The following PPARGC1B variants were observed in gnomAD, a reference collection of about 807,000 sequenced individuals.
PPARGC1B encodes PPARG coactivator 1 beta.
In PPARGC1B, 34 loss-of-function variants were observed where a neutral mutation model predicts 101.6. The ratio of observed to expected loss-of-function variants is 0.33; its 90% confidence interval spans 0.25 to 0.45. The LOEUF is 0.45. Among genes scored for constraint, PPARGC1B ranks in the 20% least tolerant of loss-of-function variants. The pLI is 1.00. For synonymous variants in PPARGC1B, 548 were observed against 539.3 expected, an observed-to-expected ratio of 1.02 and a Z score of -0.22; for missense variants, 1,234 against 1,317.6, an observed-to-expected ratio of 0.94 and a Z score of 0.98.
chr5:149,809,501 G>GATAGATCCATCTCTACC (rs1377859843), intron 1 of PPARGC1B, among the ~76,000 whole-genome samples: 12 of 145,686 alleles, frequency 8.2e-5, no homozygotes, highest in African/African-American at 2.9e-4. Flanking sequence ...TAGATAGATA[G>GATAGATCCATCTCTACC]ATAGATAGAT....
chr5:149,804,205 G>A (rs1157655734), intron 1 of PPARGC1B, among the ~76,000 whole-genome samples: 1 of 152,222 alleles, frequency 6.6e-6, no homozygotes, highest in Non-Finnish European at 1.5e-5. Context: ...CTGGGAAATA[G>A]TGCCTCTGCG....
chr5:149,807,356 C>T (rs979155012), intron 1 of PPARGC1B, among the ~76,000 whole-genome samples: 1 of 151,944 alleles, frequency 6.6e-6, no homozygotes, highest in African/African-American at 2.4e-5. Flanking sequence ...GGAAATCCCA[C>T]ACAACATGGC....
At chr5:149,825,075 G>T (rs1758458103) in intron 2 of PPARGC1B, among the ~76,000 whole-genome samples, 1 of 151,938 alleles carries the variant, frequency 6.6e-6, no homozygotes, top group Non-Finnish European at 1.5e-5. Flanking sequence ...GACAGAATGT[G>T]CCTTCTGCCA....
Position 149,835,326 on chromosome 5 carries a change from T to C in PPARGC1B, c.1768T>C (p.Phe590Leu). 1 of 1,614,196 alleles carries C rather than the reference T, an allele frequency of 6.2e-7. No homozygotes were observed. Among genetic ancestry groups the C allele is most frequent in the Non-Finnish European group, 8.5e-7 (1 of 1,180,024 alleles). Residue 590 changes from phenylalanine to leucine, a missense_variant, in exon 7 of 12, where the codon TTT becomes CTT. Physicochemically the swap from Phe to Leu is conservative, Grantham distance 22. Around this residue, in one of 3 missense-constraint regions of PPARGC1B, gnomAD observed 734 missense variants for 768.4 expected, o/e 0.96. Coordinates refer to ENST00000309241, the MANE Select transcript of PPARGC1B (RefSeq NM_133263.4). ...QSDPTFGKKS[F>L]EQTLTVELCG... ...CGACCCAACTTTTGGCAAGAAGAGC[T>C]TTGAGCAGACCTTGACAGTGGAGCT...
chr5:149,857,828 T>C (rs1759996033), downstream of PPARGC1B: 1 of 152,224 alleles, frequency 6.6e-6, no homozygotes, highest in South Asian at 2.1e-4. Flanking sequence ...CTCATGTGTC[T>C]AAAAAGAGAG....
intron 1 of PPARGC1B, among the ~76,000 whole-genome samples, chr5:149,787,577 T>A (rs989340650): frequency 6.6e-6 from 1 of 152,200 alleles, no homozygotes; most frequent in African/African-American, 2.4e-5. Context: ...CTGATACAAT[T>A]TGGTAGTCAC....
chr5:149,735,866 C>T (rs902661616), intron 1 of PPARGC1B, among the ~76,000 whole-genome samples: 1 of 152,214 alleles, frequency 6.6e-6, no homozygotes, highest in Non-Finnish European at 1.5e-5. Context: ...CGGCTCACGC[C>T]TGTAATACCA....
intron 1 of PPARGC1B, among the ~76,000 whole-genome samples, chr5:149,788,169 C>T (rs1172115583): frequency 6.6e-6 from 1 of 152,236 alleles, no homozygotes; most frequent in East Asian, 1.9e-4. Flanking sequence ...TTTTTACAAT[C>T]TACCCATCTG....
intron 1 of PPARGC1B, among the ~76,000 whole-genome samples, chr5:149,750,578 G>T (rs1755261166): frequency 6.6e-6 from 1 of 151,390 alleles, no homozygotes; most frequent in Non-Finnish European, 1.5e-5. Flanking sequence ...GGTTCAGAAT[G>T]GCCATTCTTG....
At chr5:149,757,347 CA>C (rs1162045502) in intron 1 of PPARGC1B, among the ~76,000 whole-genome samples, 15 of 121,736 alleles carry the variant, frequency 1.2e-4, no homozygotes, top group African/African-American at 4.2e-4. Flanking sequence ...TGTGTTTGAG[CA>C]TTTTTTTTTT....
intron 6 of PPARGC1B, 135 bp from the exon 7 acceptor site, chr5:149,835,166 C>T: frequency 1.3e-6 from 1 of 787,100 alleles, no homozygotes; most frequent in Middle Eastern, 2.4e-4. Flanking sequence ...AGAGCGAATG[C>T]ATCTCAGGCT....
downstream of PPARGC1B, among the ~76,000 whole-genome samples, chr5:149,857,097 G>A (rs1056154652): frequency 6.6e-6 from 1 of 152,008 alleles, no homozygotes; most frequent in Non-Finnish European, 1.5e-5. Context: ...TTGAAACTTG[G>A]CTCTACCGCT....
At chr5:149,748,934 C>G (rs935554051) in intron 1 of PPARGC1B, among the ~76,000 whole-genome samples, 2 of 152,196 alleles carry the variant, frequency 1.3e-5, no homozygotes, top group African/African-American at 4.8e-5. Context: ...TTGAGGGTGA[C>G]TAGTTCTTCC....
chr5:149,829,805 G>C (rs775867118), intron 3 of PPARGC1B, among the ~76,000 whole-genome samples: 44 of 151,882 alleles, frequency 2.9e-4, no homozygotes, highest in Admixed American at 2.3e-3. Flanking sequence ...GGAGGCCGAG[G>C]CGGGCAGATC....
At chr5:149,824,676 A>C (rs1758433361) in intron 2 of PPARGC1B, among the ~76,000 whole-genome samples, 2 of 152,132 alleles carry the variant, frequency 1.3e-5, no homozygotes, top group African/African-American at 4.8e-5. Context: ...TCTGGGCTGG[A>C]CAGGGTTGGG....
chr5:149,774,678 T>A (rs1756287002), intron 1 of PPARGC1B, among the ~76,000 whole-genome samples: 1 of 151,858 alleles, frequency 6.6e-6, no homozygotes, highest in Non-Finnish European at 1.5e-5. Context: ...CTGTAATGAC[T>A]AGGTCCCTGC....
rs538803833 is a variant in PPARGC1B, at chr5:149,831,884, A to T, written c.583-772A>T. On this transcript the variant is annotated intron_variant, in intron 4 of 11. Transcript: ENST00000309241. ...TCCTGTGGGCACTAGGAGCTACTGA[A>T]TTTTTTGTTTTTTTAAACTTTATTG... is the stretch of plus-strand genomic sequence containing the variant. Among the ~76,000 whole-genome samples the T allele has an allele frequency of 3.2e-4, 49 of 152,310 alleles. No homozygotes were observed. The South Asian group carries it at 0.01, about 32-fold the overall frequency.
rs1388725005 is a variant in PPARGC1B, at chr5:149,778,447, G to T, written c.79-41986G>T. ...CTCCAAGCAGAAGCGGGGCTCTTGGGCTCCCTGGGTTGGGGACCTTCAGGA... is the reference window on the plus strand; with the variant it reads ...CTCCAAGCAGAAGCGGGGCTCTTGGTCTCCCTGGGTTGGGGACCTTCAGGA... On this transcript the variant is annotated intron_variant, in intron 1 of 11. Coordinates refer to ENST00000309241, the MANE Select transcript of PPARGC1B (RefSeq NM_133263.4). 2.0e-5 allele frequency among the ~76,000 whole-genome samples: 3 copies of T among 151,958 alleles called. No individual in the cohort carries two copies. The East Asian group carries it at 5.8e-4, about 29-fold the overall frequency.
intron 1 of PPARGC1B, among the ~76,000 whole-genome samples, chr5:149,803,640 C>G (rs1302580631): frequency 1.3e-5 from 2 of 152,162 alleles, no homozygotes; most frequent in Non-Finnish European, 2.9e-5. Context: ...TCCCCCTTTC[C>G]TAGTTCAGGT....
Sources: gnomAD v4.1 joint callset for allele counts (sites outside exome capture counted in the v4.1 genomes callset) on GRCh38, gnomAD v4.1.1 for gene constraint, gnomAD v4.1.1 regional missense constraint, MANE v1.5 for transcripts, NCBI Gene and HGNC (gene_info 2026-07-23, HGNC 2026-07-21) for gene names.